The following CASP5 variants were observed in gnomAD, a reference collection of about 807,000 sequenced individuals.
The protein encoded by CASP5 is caspase 5.
A neutral mutation model predicts 45.2 loss-of-function variants in CASP5; 42 were observed. That is an observed-to-expected ratio of 0.93 (90% confidence interval 0.73 to 1.20). The LOEUF (loss-of-function observed/expected upper bound fraction) is 1.20. CASP5 is among the 50% of genes most tolerant of loss of function. The probability of loss-of-function intolerance (pLI) is 0.00; values close to 1 mark genes in which losing one functional copy is unlikely to be tolerated. For synonymous variants in CASP5, 209 were observed against 186.2 expected (o/e 1.12, Z -1.00); for missense variants, 512 against 532.2 (o/e 0.96, Z 0.37).
intron 4 of CASP5, 49 bp from the exon 5 acceptor site, chr11:105,002,250 A>G: frequency 6.3e-7 from 1 of 1,588,980 alleles, no homozygotes; most frequent in South Asian, 1.1e-5. Context: ...GTCTCTTTTC[A>G]ACCCCCATAT....
intron 1 of CASP5, among the ~76,000 whole-genome samples, chr11:105,011,783 G>T (rs975154699): frequency 4.6e-5 from 7 of 151,592 alleles, no homozygotes; most frequent in Admixed American, 2.6e-4. Flanking sequence ...ATTGACAGAA[G>T]AAAATGCCTG....
chr11:104,996,536 A>G lies in CASP5; in HGVS notation c.1207-694T>C, dbSNP rs373073787. On this transcript the variant is annotated intron_variant, in intron 8 of 9. Transcript: ENST00000260315. ...TACTGTTCTCTATAATTTTTAATTT[A>G]GAAACAACCACACTTTCCTGTGTTA... Among the ~76,000 whole-genome samples, 11 of 152,342 alleles carry G rather than the reference A, an allele frequency of 7.2e-5. 1 individual carries two copies. Among genetic ancestry groups the G allele is most frequent in the African/African-American group, 2.4e-4 (10 of 41,582 alleles).
At chr11:105,011,461 C>T (rs938943491) in intron 1 of CASP5, among the ~76,000 whole-genome samples, 1 of 151,770 alleles carries the variant, frequency 6.6e-6, no homozygotes, top group South Asian at 2.1e-4. Flanking sequence ...AATTAGACAA[C>T]AGAAAGAATT....
chr11:104,995,949 T>C, intron 8 of CASP5, 107 bp from the exon 9 acceptor site: 3 of 693,370 alleles, frequency 4.3e-6, no homozygotes, highest in Admixed American at 2.4e-5. Flanking sequence ...CCAGGGTTGA[T>C]AGGACCAAGC....
intron 1 of CASP5, among the ~76,000 whole-genome samples, chr11:105,012,118 G>T (rs182966899): frequency 3.1e-3 from 476 of 151,778 alleles, no homozygotes; most frequent in African/African-American, 0.011. Context: ...AAAAAGGCCA[G>T]AAATAAACCC....
intron 1 of CASP5, among the ~76,000 whole-genome samples, chr11:105,010,480 C>T (rs1406820719): frequency 8.0e-6 from 1 of 124,548 alleles, no homozygotes; most frequent in African/African-American, 2.6e-5. Context: ...CAGTAATTAT[C>T]ATTATACTGA....
rs554474023 is a variant in CASP5 at position 104,997,647 on chromosome 11, A to T, written c.1097-155T>A. On this transcript the variant is annotated intron_variant, in intron 7 of 9. Transcript: ENST00000260315. The stretch of plus-strand genomic sequence containing the variant: ...TTAGGTTTCACACAGAGGAAACAGA[A>T]AAGCTGGCAAAGGTTGAACAAAAAA... Among the ~76,000 whole-genome samples, 5 of 152,352 alleles carry T rather than the reference A, an allele frequency of 3.3e-5. No homozygotes were observed. The South Asian group carries it at 1.0e-3, about 32-fold the overall frequency.
At chr11:105,022,010 G>C (rs2134778238) in intron 1 of CASP5, among the ~76,000 whole-genome samples, 1 of 151,242 alleles carries the variant, frequency 6.6e-6, no homozygotes, top group African/African-American at 2.4e-5. Flanking sequence ...GTCCTTTGTA[G>C]GGACATGGAT....
At chr11:105,010,736 CT>C (rs1862311136) in intron 1 of CASP5, among the ~76,000 whole-genome samples, 1 of 151,518 alleles carries the variant, frequency 6.6e-6, no homozygotes, top group Non-Finnish European at 1.5e-5. Context: ...CCATGACAGG[CT>C]TTCAGTAATA....
chr11:105,023,027 G>A, intron 1 of CASP5, 103 bp downstream of exon 1: 1 of 1,077,536 alleles, frequency 9.3e-7, no homozygotes, highest in Non-Finnish European at 1.4e-6. Flanking sequence ...CACACTATTG[G>A]TTGATTTCCC....
intron 2 of CASP5, among the ~76,000 whole-genome samples, chr11:105,007,734 A>G (rs956361535): frequency 6.6e-6 from 1 of 152,138 alleles, no homozygotes; most frequent in Admixed American, 6.6e-5. Flanking sequence ...ACTAGACTAT[A>G]CAATCTTGCC....
At chr11:105,017,206 A>G (rs1397151701) in intron 1 of CASP5, among the ~76,000 whole-genome samples, 1 of 151,968 alleles carries the variant, frequency 6.6e-6, no homozygotes, top group African/African-American at 2.4e-5. Context: ...AAAGATGGGG[A>G]AAAAACAGAG....
At chr11:105,000,658 GT>G (rs907972393) in intron 5 of CASP5, among the ~76,000 whole-genome samples, 163 bp from the exon 6 acceptor site, 19 of 147,288 alleles carry the variant, frequency 1.3e-4, no homozygotes, top group African/African-American at 2.5e-4. Context: ...TTTTTGTTTT[GT>G]TTTTTTTTTC....
chr11:105,011,503 A>G (rs1321698841), intron 1 of CASP5, among the ~76,000 whole-genome samples: 2 of 151,790 alleles, frequency 1.3e-5, no homozygotes, highest in Non-Finnish European at 3.0e-5. Context: ...GGAAGAAGTT[A>G]ATGTGTCCTG....
chr11:105,007,257 A>G lies in CASP5; in HGVS notation c.259T>C (p.Leu87=). ...AATGTCAGAACATCGTGTTTTGCCA[A>G]ATAATTAAAAACACCATGAAGAACA... ...KDVLHGVFNY[L]AKHDVLTLKE... Residue 87 remains leucine (L), a synonymous_variant, in exon 3 of 10, where the codon TTG becomes CTG. Transcript: ENST00000260315. 1 of 1,612,558 alleles carries G rather than the reference A, an allele frequency of 6.2e-7. No homozygotes were observed. Among genetic ancestry groups the G allele is most frequent in the Non-Finnish European group, 8.5e-7 (1 of 1,179,578 alleles).
At chr11:105,009,836 TATAC>T (rs1354890387) in intron 1 of CASP5, among the ~76,000 whole-genome samples, 1 of 138,356 alleles carries the variant, frequency 7.2e-6, no homozygotes, top group Non-Finnish European at 1.5e-5. Context: ...CACATATATA[TATAC>T]ACATATATAT....
chr11:105,001,091 C>A (rs751968647), intron 5 of CASP5, among the ~76,000 whole-genome samples: 5 of 152,188 alleles, frequency 3.3e-5, no homozygotes, highest in Non-Finnish European at 5.9e-5. Context: ...GTGTTCTCTC[C>A]CCACAGAGGC....
intron 1 of CASP5, 117 bp from the exon 2 acceptor site, chr11:105,009,097 G>T: frequency 1.2e-6 from 1 of 828,542 alleles, no homozygotes; most frequent in Non-Finnish European, 1.9e-6. Context: ...GTCTTACCAT[G>T]TCTTCAACAA....
intron 8 of CASP5, among the ~76,000 whole-genome samples, chr11:104,996,651 T>A (rs1861481802): frequency 6.6e-6 from 1 of 152,226 alleles, no homozygotes; most frequent in Non-Finnish European, 1.5e-5. Flanking sequence ...ATTGAATGTC[T>A]GCTATATGTC....
Sources: gnomAD v4.1 joint callset for allele counts (sites outside exome capture counted in the v4.1 genomes callset) on GRCh38, gnomAD v4.1.1 for gene constraint, MANE v1.5 for transcripts, NCBI Gene and HGNC (gene_info 2026-07-23, HGNC 2026-07-21) for gene names.